EYS: variants seen among roughly 807,000 people sequenced by gnomAD.
The protein encoded by EYS is EGF-like photoreceptor maintenance factor, also known as protein eyes shut homolog.
In EYS, 250 loss-of-function variants were observed where a neutral mutation model predicts 282.1. The ratio of observed to expected loss-of-function variants is 0.89; its 90% CI spans 0.80 to 0.98. The LOEUF (loss-of-function observed/expected upper bound fraction) is 0.98. Ranked by LOEUF, EYS falls within the 50% of genes least tolerant of loss-of-function variation. EYS has a pLI of 0.00. For missense variants in EYS, 4,016 were observed against 3,709.0 expected, an observed-to-expected ratio of 1.08 and a Z score of -2.15; for synonymous variants, 1,355 against 1,282.9, an observed-to-expected ratio of 1.06 and a Z score of -1.20.
intron 29 of EYS, among the ~76,000 whole-genome samples, chr6:64,313,906 C>T (rs1275027643): frequency 6.6e-6 from 1 of 152,062 alleles, no homozygotes; most frequent in Admixed American, 6.5e-5. Context: ...CCAGCCACTG[C>T]AAAAACATAC....
intron 5 of EYS, among the ~76,000 whole-genome samples, chr6:65,419,636 A>G (rs1767376507): frequency 6.6e-6 from 1 of 151,986 alleles, no homozygotes; most frequent in Admixed American, 6.6e-5. Context: ...AGCAAGTAAT[A>G]TTCATTTTAA....
intron 12 of EYS, among the ~76,000 whole-genome samples, chr6:65,272,801 A>G (rs1423697598): frequency 6.6e-6 from 1 of 152,212 alleles, no homozygotes; most frequent in Non-Finnish European, 1.5e-5. Flanking sequence ...CTTGACATTA[A>G]AAAGTATAAC....
chr6:65,173,395 T>A (rs1481461911), intron 12 of EYS, among the ~76,000 whole-genome samples: 5 of 150,958 alleles, frequency 3.3e-5, no homozygotes, highest in African/African-American at 7.3e-5. Context: ...ATCAGAAGAA[T>A]AAAATATAAA....
At chr6:65,094,316 C>T (rs1253390574) in intron 12 of EYS, among the ~76,000 whole-genome samples, 2 of 61,234 alleles carry the variant, frequency 3.3e-5, no homozygotes, top group African/African-American at 1.2e-4. Context: ...GATATCTTAA[C>T]GAAAAAAAAA....
chr6:65,295,442 T>C (rs1768634245), intron 12 of EYS, among the ~76,000 whole-genome samples: 1 of 151,946 alleles, frequency 6.6e-6, no homozygotes, highest in Admixed American at 6.6e-5. Context: ...CAAACTGACC[T>C]AGACAATACT....
At chr6:64,504,868 C>T (rs1186956990) in intron 26 of EYS, among the ~76,000 whole-genome samples, 1 of 152,118 alleles carries the variant, frequency 6.6e-6, no homozygotes, top group African/African-American at 2.4e-5. Context: ...TCGTAAAAAA[C>T]TTGGGATGCT....
intron 35 of EYS, among the ~76,000 whole-genome samples, chr6:63,978,301 G>A (rs1766937797): frequency 6.6e-6 from 1 of 151,882 alleles, no homozygotes; most frequent in East Asian, 1.9e-4. Flanking sequence ...TAGCAACAAG[G>A]GCTGCCCACA....
At chr6:64,816,721 A>G (rs570528136) in intron 21 of EYS, among the ~76,000 whole-genome samples, 2 of 152,264 alleles carry the variant, frequency 1.3e-5, no homozygotes, top group East Asian at 3.9e-4. Flanking sequence ...ACACACAAGT[A>G]TGGTAGGGCA....
chr6:65,627,917 G>A (rs1751985950), intron 2 of EYS, among the ~76,000 whole-genome samples: 1 of 152,236 alleles, frequency 6.6e-6, no homozygotes, highest in African/African-American at 2.4e-5. Flanking sequence ...CCCAAGGGCT[G>A]AGGAATGCGA....
chr6:65,148,456 G>T (rs1764532123), intron 12 of EYS, among the ~76,000 whole-genome samples: 1 of 152,138 alleles, frequency 6.6e-6, no homozygotes, highest in Admixed American at 6.5e-5. Context: ...GCATACTGAT[G>T]CAAGAGATAG....
chr6:63,883,930 C>T (rs1773196490), intron 35 of EYS, among the ~76,000 whole-genome samples: 1 of 152,158 alleles, frequency 6.6e-6, no homozygotes, highest in South Asian at 2.1e-4. Context: ...AACTGCTTGT[C>T]ACTACTTCAT....
chr6:63,755,218 G>C (rs1416271714), intron 41 of EYS, among the ~76,000 whole-genome samples: 1 of 152,060 alleles, frequency 6.6e-6, no homozygotes, highest in Admixed American at 6.6e-5. Flanking sequence ...GTCAATTTTG[G>C]CTTTTGTTGC....
At chr6:64,683,138 G>A (rs1327824785) in intron 22 of EYS, among the ~76,000 whole-genome samples, 1 of 152,218 alleles carries the variant, frequency 6.6e-6, no homozygotes, top group Non-Finnish European at 1.5e-5. Context: ...CATGTCATCT[G>A]TCTGCTAAAG....
intron 36 of EYS, among the ~76,000 whole-genome samples, chr6:63,848,158 C>A (rs895698151): frequency 6.6e-6 from 1 of 152,060 alleles, no homozygotes; most frequent in African/African-American, 2.4e-5. Context: ...GTAAAACATA[C>A]ATGCATGTTT....
intron 19 of EYS, among the ~76,000 whole-genome samples, chr6:64,866,516 A>G (rs1235523426): frequency 6.6e-6 from 1 of 151,864 alleles, no homozygotes; most frequent in East Asian, 1.9e-4. Context: ...AAATATTTAA[A>G]GCAATAGAAT....
In EYS at chr6:64,638,113, G is replaced by A. The variant is rs571161221; in HGVS notation, c.3444-11868C>T. 3.3e-5 allele frequency among the ~76,000 whole-genome samples: 3 copies of A among 90,418 alleles called. 1 individual carries two copies. Among genetic ancestry groups the A allele is most frequent in the African/African-American group, 1.3e-4 (3 of 23,824 alleles). The allele number at this position is 90,418 out of a possible 152,430, so 59.3% of individuals were successfully genotyped here. A position where few individuals can be genotyped will look rare whatever the true frequency, so the allele number is the denominator to read the frequency against. ...TGAACTGACAGTTCAAAAATGTATAGGAGTGCATTCTGAGAATACAACTAT... is the reference window on the plus strand; with the variant it reads ...TGAACTGACAGTTCAAAAATGTATAAGAGTGCATTCTGAGAATACAACTAT... On this transcript the variant is annotated intron_variant, in intron 22 of 42. Coordinates refer to ENST00000503581, the MANE Select transcript of EYS (RefSeq NM_001142800.2).
intron 19 of EYS, among the ~76,000 whole-genome samples, chr6:64,879,009 C>G (rs1766835907): frequency 6.6e-6 from 1 of 152,088 alleles, no homozygotes; most frequent in African/African-American, 2.4e-5. Context: ...TATAGAATTT[C>G]ACTAAGGGTT....
chr6:64,512,992 G>T (rs1777454611), intron 26 of EYS, among the ~76,000 whole-genome samples: 1 of 151,078 alleles, frequency 6.6e-6, no homozygotes, highest in East Asian at 1.9e-4. Flanking sequence ...GTACTGTGTT[G>T]CATTGATTTT....
chr6:64,844,280 A>T (rs1765654691), intron 19 of EYS, among the ~76,000 whole-genome samples: 2 of 151,692 alleles, frequency 1.3e-5, no homozygotes, highest in Non-Finnish European at 2.9e-5. Context: ...TTTTTTTCTC[A>T]AAATAGCCTT....
Sources: allele counts gnomAD v4.1 joint callset (sites outside exome capture counted in the v4.1 genomes callset), GRCh38; gene constraint gnomAD v4.1.1; transcripts MANE v1.5; gene names NCBI Gene and HGNC (gene_info 2026-07-23, HGNC 2026-07-21).